CBLB: variants seen among roughly 807,000 people sequenced by gnomAD.
The protein encoded by CBLB is E3 ubiquitin-protein ligase CBL-B.
Under a neutral mutation model 104.9 loss-of-function variants are expected in CBLB, and 31 were observed. The observed-to-expected ratio is 0.30, with a 90% CI of 0.22 to 0.40. CBLB has a LOEUF of 0.40. Among genes scored for constraint, CBLB ranks in the 10% least tolerant of loss-of-function variants. The probability of loss-of-function intolerance (pLI) is 1.00; values close to 1 mark genes in which losing one functional copy is unlikely to be tolerated. For missense variants in CBLB, 1,062 were observed against 1,214.6 expected (o/e 0.87, Z 1.87); for synonymous variants, 440 against 422.6 (o/e 1.04, Z -0.51).
At chr3:105,804,392 G>GC (rs367730502) in intron 3 of CBLB, among the ~76,000 whole-genome samples, 14 of 152,074 alleles carry the variant, frequency 9.2e-5, no homozygotes, top group African/African-American at 3.1e-4. Flanking sequence ...GTGGTGGCAG[G>GC]CGCCTGTGAT....
At chr3:105,832,051 A>G (rs1335564756) in intron 3 of CBLB, among the ~76,000 whole-genome samples, 1 of 152,184 alleles carries the variant, frequency 6.6e-6, no homozygotes, top group Non-Finnish European at 1.5e-5. Flanking sequence ...ATTATATTAA[A>G]TAGAGCTGGC....
At chr3:105,792,549 T>C (rs1483319285) in intron 3 of CBLB, among the ~76,000 whole-genome samples, 2 of 152,200 alleles carry the variant, frequency 1.3e-5, no homozygotes, top group Non-Finnish European at 2.9e-5. Flanking sequence ...TTCACATTTG[T>C]AAATATCAAC....
At chr3:105,821,536 G>T (rs2085862601) in intron 3 of CBLB, among the ~76,000 whole-genome samples, 1 of 152,088 alleles carries the variant, frequency 6.6e-6, no homozygotes, top group African/African-American at 2.4e-5. Flanking sequence ...AAAACAAAAA[G>T]AAATCTTTGC....
intron 6 of CBLB, among the ~76,000 whole-genome samples, chr3:105,742,211 T>C (rs2075672146): frequency 1.3e-5 from 2 of 152,354 alleles, no homozygotes; most frequent in South Asian, 4.1e-4. Context: ...ATTTTAATAT[T>C]CGAGCTGCTG....
chr3:105,828,934 C>A (rs2086997574), intron 3 of CBLB, among the ~76,000 whole-genome samples: 1 of 152,050 alleles, frequency 6.6e-6, no homozygotes, highest in Non-Finnish European at 1.5e-5. Flanking sequence ...AACATTTTAA[C>A]CACAGTGGAA....
intron 3 of CBLB, among the ~76,000 whole-genome samples, chr3:105,799,309 T>C (rs1219040199): frequency 6.6e-6 from 1 of 152,020 alleles, no homozygotes; most frequent in African/African-American, 2.4e-5. Context: ...CAAGGATATT[T>C]TGGGTAGACG....
At chr3:105,680,019 C>A (rs1323685490) in intron 16 of CBLB, among the ~76,000 whole-genome samples, 6 of 152,062 alleles carry the variant, frequency 3.9e-5, no homozygotes, top group Non-Finnish European at 4.4e-5. Context: ...GGCTCTGACT[C>A]AAGGAGCTGA....
chr3:105,720,273 G>C (rs745991922), intron 9 of CBLB, 23 bp from the exon 10 acceptor site: 16 of 1,584,028 alleles, frequency 1.0e-5, no homozygotes, highest in Middle Eastern at 2.0e-4. Flanking sequence ...AAAATGCATG[G>C]ATTGGTTTTG....
chr3:105,757,842 AG>A (rs1280526415), intron 4 of CBLB, among the ~76,000 whole-genome samples: 1 of 152,160 alleles, frequency 6.6e-6, no homozygotes, highest in African/African-American at 2.4e-5. Context: ...TTAAACAAAA[AG>A]AAAATATGTT....
chr3:105,840,387 A>G lies in CBLB; in HGVS notation c.419+13027T>C, dbSNP rs1048316965. On this transcript the variant is annotated intron_variant, in intron 3 of 18. Coordinates refer to ENST00000394030, the MANE Select transcript of CBLB (RefSeq NM_170662.5). Reference sequence around the variant, plus strand: ...TTAATGAATACAAGCATCGTGTTAGAAAAAAAAAAAAGTTGCATCGACTGA... The same window carrying G: ...TTAATGAATACAAGCATCGTGTTAGGAAAAAAAAAAAGTTGCATCGACTGA... Among the ~76,000 whole-genome samples the G allele has an allele frequency of 8.6e-5, 11 of 128,176 alleles. 1 individual carries two copies. Among genetic ancestry groups the G allele is most frequent in the Admixed American group, 5.6e-4 (6 of 10,808 alleles). 84.1% of individuals were successfully genotyped at this position (128,176 alleles called of 152,430 possible). A position where few individuals can be genotyped will look rare whatever the true frequency, so the allele number is the denominator to read the frequency against.
intron 13 of CBLB, among the ~76,000 whole-genome samples, chr3:105,688,341 A>C (rs1043798487): frequency 1.3e-5 from 2 of 150,678 alleles, no homozygotes; most frequent in East Asian, 3.9e-4. Context: ...CATAGTCACC[A>C]CCCCCCCCAC....
intron 9 of CBLB, among the ~76,000 whole-genome samples, chr3:105,729,180 A>G (rs2074031246): frequency 6.6e-6 from 1 of 152,160 alleles, no homozygotes; most frequent in Non-Finnish European, 1.5e-5. Flanking sequence ...AATGTCTAGC[A>G]GCCATAATTA....
intron 18 of CBLB, among the ~76,000 whole-genome samples, chr3:105,663,472 A>C (rs1291465066): frequency 6.6e-6 from 1 of 152,120 alleles, no homozygotes; most frequent in East Asian, 1.9e-4. Context: ...AATCAAAAGC[A>C]ACACTTGTGC....
upstream of CBLB, chr3:105,869,071 G>C: frequency 9.6e-7 from 1 of 1,043,588 alleles, no homozygotes; most frequent in South Asian, 1.8e-5. Flanking sequence ...GCGGGGGCGG[G>C]GCCGGGCGCC....
At chr3:105,745,508 T>C (rs1367948794) in intron 6 of CBLB, among the ~76,000 whole-genome samples, 1 of 147,928 alleles carries the variant, frequency 6.8e-6, no homozygotes, top group Non-Finnish European at 1.5e-5. Flanking sequence ...CTTACATGTA[T>C]ATTTATGTGT....
chr3:105,731,059 T>G (rs917076854), intron 9 of CBLB, among the ~76,000 whole-genome samples: 1 of 152,072 alleles, frequency 6.6e-6, no homozygotes, highest in Non-Finnish European at 1.5e-5. Flanking sequence ...TAGGCCAATA[T>G]AAAAAATCAT....
chr3:105,700,357 C>T (rs995814642), intron 12 of CBLB, among the ~76,000 whole-genome samples: 7 of 151,844 alleles, frequency 4.6e-5, no homozygotes, highest in East Asian at 1.9e-4. Context: ...TTTTGAAGTC[C>T]GTTTAGAAAA....
intron 8 of CBLB, among the ~76,000 whole-genome samples, chr3:105,736,118 G>GT (rs2074909967): frequency 6.6e-6 from 1 of 152,026 alleles, no homozygotes; most frequent in African/African-American, 2.4e-5. Flanking sequence ...TTCTTCTCTT[G>GT]TTTTTTCCCT....
intron 10 of CBLB, among the ~76,000 whole-genome samples, chr3:105,709,839 A>G (rs1300449584): frequency 1.3e-5 from 2 of 151,926 alleles, no homozygotes; most frequent in African/African-American, 2.4e-5. Flanking sequence ...TGGTAAAACC[A>G]ATTTATTCTC....
Sources: allele counts gnomAD v4.1 joint callset (sites outside exome capture counted in the v4.1 genomes callset), GRCh38; gene constraint gnomAD v4.1.1; transcripts MANE v1.5; gene names NCBI Gene and HGNC (gene_info 2026-07-23, HGNC 2026-07-21).